REC114: variants seen among roughly 807,000 people sequenced by gnomAD.
REC114 encodes the protein REC114 meiotic recombination protein, also known as meiotic recombination protein REC114.
In REC114, 27 loss-of-function variants were observed where a neutral mutation model predicts 31.3. The ratio of observed to expected loss-of-function variants is 0.86; its 90% CI spans 0.64 to 1.19. The LOEUF (loss-of-function observed/expected upper bound fraction) is 1.19. Among genes scored for constraint, REC114 ranks in the 50% most tolerant of loss-of-function variants. The pLI is 0.00. For missense variants in REC114, 344 were observed against 326.9 expected (o/e 1.05, Z -0.40); for synonymous variants, 134 against 127.7 (o/e 1.05, Z -0.33).
chr15:73,480,086 T>C (rs1375702365), intron 2 of REC114, among the ~76,000 whole-genome samples: 1 of 152,162 alleles, frequency 6.6e-6, no homozygotes, highest in African/African-American at 2.4e-5. Flanking sequence ...CTCCATATTC[T>C]CACCAATACC....
intron 1 of REC114, among the ~76,000 whole-genome samples, chr15:73,451,713 A>G (rs1171553093): frequency 6.6e-6 from 1 of 152,242 alleles, no homozygotes; most frequent in Admixed American, 6.5e-5. Context: ...TCCCTGATGA[A>G]CATTGATGCG....
intron 2 of REC114, among the ~76,000 whole-genome samples, chr15:73,539,697 G>GAT (rs1377977433): frequency 6.6e-6 from 1 of 151,904 alleles, no homozygotes; most frequent in Non-Finnish European, 1.5e-5. Context: ...TTTAAGGGTA[G>GAT]ACTGGCAGTT....
intron 1 of REC114, 26 bp from the exon 2 acceptor site, chr15:73,473,806 A>T: frequency 7.6e-7 from 1 of 1,307,370 alleles, no homozygotes; most frequent in Non-Finnish European, 1.1e-6. Context: ...TATCTTTTAC[A>T]TATTTTTCTC....
chr15:73,478,408 G>A (rs995423019), intron 2 of REC114, among the ~76,000 whole-genome samples: 1 of 151,778 alleles, frequency 6.6e-6, no homozygotes, highest in Non-Finnish European at 1.5e-5. Context: ...TGCTAAGTAT[G>A]TGTTAGTCTA....
In REC114 at chr15:73,496,307, G is replaced by A. The variant is rs555056391; in HGVS notation, c.249+22386G>A. On this transcript the variant is annotated intron_variant, in intron 2 of 5. Coordinates refer to ENST00000331090, the MANE Select transcript of REC114 (RefSeq NM_001042367.2). Reference sequence around the variant, plus strand: ...GCAGAGGTTGCAGTGAGCTGAGATCGTGCCACTGCAAATTCAGCCTGGTGA... The same window carrying A: ...GCAGAGGTTGCAGTGAGCTGAGATCATGCCACTGCAAATTCAGCCTGGTGA... Among the ~76,000 whole-genome samples, 903 of 125,650 alleles carry A rather than the reference G, an allele frequency of 7.2e-3. 14 individuals are homozygous for A. Among genetic ancestry groups the A allele is most frequent in the Non-Finnish European group, 7.0e-3 (428 of 60,826 alleles). The allele number at this position is 125,650 out of a possible 152,430, so 82.4% of individuals were successfully genotyped here. A position where few individuals can be genotyped will look rare whatever the true frequency, so the allele number is the denominator to read the frequency against.
rs769569268 is a variant in REC114 at position 73,462,884 on chromosome 15, CAA to C, written c.160-10926_160-10925del. ...TGGGCAACAGAGTGAGACTCCGTCT[CAA>C]AAAAAAAAAAAAAAAAAAAAATTAC... On this transcript the variant is annotated intron_variant, in intron 1 of 5. Coordinates refer to ENST00000331090, the MANE Select transcript of REC114 (RefSeq NM_001042367.2). 1.3e-3 allele frequency among the ~76,000 whole-genome samples: 72 copies of C among 55,636 alleles called. 2 individuals are homozygous for C. Among genetic ancestry groups the C allele is most frequent in the African/African-American group, 4.4e-3 (62 of 14,178 alleles). The allele number at this position is 55,636 out of a possible 152,430, so 36.5% of individuals were successfully genotyped here.
chr15:73,464,026 A>G (rs1432713551), intron 1 of REC114, among the ~76,000 whole-genome samples: 1 of 152,098 alleles, frequency 6.6e-6, no homozygotes, highest in Non-Finnish European at 1.5e-5. Context: ...CAGTTGTAGA[A>G]TATTTCATTC....
At chr15:73,457,046 G>C (rs75436401) in intron 1 of REC114, among the ~76,000 whole-genome samples, 6,348 of 98,070 alleles carry the variant, frequency 0.065, 183 homozygotes, top group East Asian at 0.15. Flanking sequence ...GGGTATCTTT[G>C]TATTTCTGTA....
intron 2 of REC114, among the ~76,000 whole-genome samples, chr15:73,514,302 T>G (rs1031934856): frequency 2.6e-5 from 4 of 151,772 alleles, no homozygotes; most frequent in African/African-American, 9.7e-5. Flanking sequence ...CTGCTTCGGC[T>G]CGCGCACGGT....
intron 3 of REC114, among the ~76,000 whole-genome samples, chr15:73,547,860 G>A (rs1894331401): frequency 1.3e-5 from 2 of 152,126 alleles, no homozygotes; most frequent in Admixed American, 1.3e-4. Flanking sequence ...CAGGACACAG[G>A]CACAGGCAAA....
At chr15:73,542,346 A>G (rs1234843926) in intron 3 of REC114, among the ~76,000 whole-genome samples, 29 of 1,304 alleles carry the variant, frequency 0.022, no homozygotes, top group Admixed American at 0.031. Context: ...AAAAAAAAGA[A>G]AAAAAAAAAG....
intron 2 of REC114, among the ~76,000 whole-genome samples, chr15:73,503,564 G>C (rs1351557430): frequency 1.3e-5 from 2 of 152,102 alleles, no homozygotes; most frequent in African/African-American, 4.8e-5. Flanking sequence ...GTGGGTACAT[G>C]GATGTTCATT....
At chr15:73,538,678 G>T (rs1034573438) in intron 2 of REC114, among the ~76,000 whole-genome samples, 1 of 151,662 alleles carries the variant, frequency 6.6e-6, no homozygotes, top group Non-Finnish European at 1.5e-5. Context: ...AGATGGTCTC[G>T]ATCTCTGACC....
At chr15:73,471,287 T>C (rs148806715) in intron 1 of REC114, among the ~76,000 whole-genome samples, 111 of 152,238 alleles carry the variant, frequency 7.3e-4, no homozygotes, top group Middle Eastern at 3.4e-3. Flanking sequence ...CATGAAGGAT[T>C]TGCTGATGGA....
chr15:73,514,541 C>CA (rs973984388), intron 2 of REC114, among the ~76,000 whole-genome samples: 6 of 151,622 alleles, frequency 4.0e-5, no homozygotes, highest in Admixed American at 6.5e-5. Flanking sequence ...ATTTAAGATA[C>CA]AAAAAAAAGT....
intron 2 of REC114, among the ~76,000 whole-genome samples, chr15:73,535,876 T>C (rs1021744148): frequency 2.6e-5 from 4 of 151,368 alleles, no homozygotes; most frequent in Admixed American, 6.6e-5. Context: ...ACACCGCATA[T>C]CTACAACTAT....
At chr15:73,494,532 A>G (rs1044847001) in intron 2 of REC114, among the ~76,000 whole-genome samples, 4 of 152,110 alleles carry the variant, frequency 2.6e-5, no homozygotes, top group Non-Finnish European at 5.9e-5. Flanking sequence ...TCTTACCTCA[A>G]AGTCTAAAAC....
At chr15:73,515,428 G>A (rs1054808271) in intron 2 of REC114, among the ~76,000 whole-genome samples, 1 of 152,096 alleles carries the variant, frequency 6.6e-6, no homozygotes, top group Non-Finnish European at 1.5e-5. Flanking sequence ...TGGTGATGTT[G>A]CTTACAAATT....
chr15:73,546,610 C>T (rs186700883), intron 3 of REC114, among the ~76,000 whole-genome samples: 10 of 151,762 alleles, frequency 6.6e-5, no homozygotes, highest in Admixed American at 4.6e-4. Flanking sequence ...ATATATATAA[C>T]CTATAAAAAT....
Sources: allele counts gnomAD v4.1 joint callset (sites outside exome capture counted in the v4.1 genomes callset), GRCh38; gene constraint gnomAD v4.1.1; transcripts MANE v1.5; gene names NCBI Gene and HGNC (gene_info 2026-07-23, HGNC 2026-07-21).